The following UHMK1 variants were observed in gnomAD, a reference collection of about 807,000 sequenced individuals.
The protein encoded by UHMK1 is U2AF homology motif kinase 1, also known as serine/threonine-protein kinase Kist.
A neutral mutation model predicts 44.0 loss-of-function variants in UHMK1; 18 were observed. That is an observed-to-expected ratio of 0.41 (90% confidence interval 0.28 to 0.61). The LOEUF (loss-of-function observed/expected upper bound fraction) is 0.61, where lower values mean the gene tolerates loss of function less well. UHMK1 is among the 20% of genes least tolerant of loss of function. The pLI is 0.31. For synonymous variants in UHMK1, 231 were observed against 198.5 expected (o/e 1.16, Z -1.38); for missense variants, 463 against 522.5 (o/e 0.89, Z 1.11).
At chr1:162,509,919 A>G (rs1452419242) in intron 4 of UHMK1, among the ~76,000 whole-genome samples, 1 of 152,200 alleles carries the variant, frequency 6.6e-6, no homozygotes, top group Non-Finnish European at 1.5e-5. Flanking sequence ...TGCTGGGATT[A>G]CAGGCGTGAG....
chr1:162,511,189 C>CTTTTTT (rs142796500), intron 4 of UHMK1, among the ~76,000 whole-genome samples: 174 of 100,952 alleles, frequency 1.7e-3, no homozygotes, highest in Middle Eastern at 5.0e-3. Flanking sequence ...TTTTCTTTTT[C>CTTTTTT]TTTTTTTTTT....
chr1:162,506,573 T>G (rs1030095989), intron 4 of UHMK1, among the ~76,000 whole-genome samples: 1 of 152,228 alleles, frequency 6.6e-6, no homozygotes, highest in South Asian at 2.1e-4. Context: ...TACATTTTTG[T>G]TTCCTTGAGT....
intron 6 of UHMK1, among the ~76,000 whole-genome samples, chr1:162,513,330 C>G (rs1651732539): frequency 6.6e-6 from 1 of 152,148 alleles, no homozygotes; most frequent in South Asian, 2.1e-4. Flanking sequence ...CCAACAACTT[C>G]TATCTCTCTG....
At position 162,527,139 on chromosome 1, in the gene UHMK1, A is replaced by C. The variant is rs1266559970; in HGVS notation, c.*4589A>C. On this transcript the variant is annotated 3_prime_UTR_variant, in exon 8 of 8. Coordinates refer to ENST00000489294, the MANE Select transcript of UHMK1 (RefSeq NM_175866.5). ...AGAACATGGATATTTTAGTTTTTGG[A>C]GTACCCAGAATTGTAAAGATTTTGT... The C allele has an allele frequency of 6.6e-6, 1 of 152,068 alleles. No individual in the cohort carries two copies. Among genetic ancestry groups the C allele is most frequent in the African/African-American group, 2.4e-5 (1 of 41,428 alleles). 9.4% of individuals were successfully genotyped at this position (152,068 alleles called of 1,614,324 possible).
At chr1:162,507,107 G>A (rs1211996199) in intron 4 of UHMK1, among the ~76,000 whole-genome samples, 1 of 150,724 alleles carries the variant, frequency 6.6e-6, no homozygotes, top group African/African-American at 2.4e-5. Flanking sequence ...TATATTCAAT[G>A]TTGCCATTTT....
Position 162,527,899 on chromosome 1 carries a change from T to C in UHMK1, c.*5349T>C, listed in dbSNP as rs1465374157. The C allele has an allele frequency of 1.3e-5, 2 of 151,342 alleles. No individual in the cohort carries two copies. The highest frequency in any genetic ancestry group is 1.5e-5 in the Non-Finnish European group (1 of 67,886). The allele number at this position is 151,342 out of a possible 1,614,324, so 9.4% of individuals were successfully genotyped here. On this transcript the variant is annotated 3_prime_UTR_variant, in exon 8 of 8. Transcript: ENST00000489294. Reference sequence around the variant, plus strand: ...CTTTGTATAATGGAAATAAGTCACATTCTGGGGGAAAAAAACTGGAATTGT... The same window carrying C: ...CTTTGTATAATGGAAATAAGTCACACTCTGGGGGAAAAAAACTGGAATTGT...
At chr1:162,510,864 T>C (rs993206700) in intron 4 of UHMK1, among the ~76,000 whole-genome samples, 1 of 152,056 alleles carries the variant, frequency 6.6e-6, no homozygotes, top group East Asian at 1.9e-4. Flanking sequence ...TTTTAAAAAT[T>C]TTTTTTAAGG....
chr1:162,500,299 G>C, intron 2 of UHMK1, 52 bp downstream of exon 2: 1 of 1,553,096 alleles, frequency 6.4e-7, no homozygotes, highest in Non-Finnish European at 8.7e-7. Flanking sequence ...AGTGGTTGAA[G>C]CCAAATATTT....
rs1346289674 is a variant in UHMK1 at position 162,527,386 on chromosome 1, G to T, written c.*4836G>T. On this transcript the variant is annotated 3_prime_UTR_variant, in exon 8 of 8. Transcript: ENST00000489294. Reference sequence around the variant, plus strand: ...TTTATAGGAGCAGTGGACTGTAAGAGAAATATCTATAAATCAGAGAGTATT... The same window carrying T: ...TTTATAGGAGCAGTGGACTGTAAGATAAATATCTATAAATCAGAGAGTATT... 6.6e-6 allele frequency: 1 copy of T among 152,028 alleles called. No individual in the cohort carries two copies. Among genetic ancestry groups the T allele is most frequent in the East Asian group, 1.9e-4 (1 of 5,204 alleles). The allele number at this position is 152,028 out of a possible 1,614,324, so 9.4% of individuals were successfully genotyped here. A position where few individuals can be genotyped will look rare whatever the true frequency, so the allele number is the denominator to read the frequency against.
In UHMK1 at chr1:162,525,818, C is replaced by G. The variant is rs1359784295; in HGVS notation, c.*3268C>G. ...AACAAAAACCATAAGTATGGTTTTA[C>G]TCGAACTTCTCTTTGTTTTTATTGA... On this transcript the variant is annotated 3_prime_UTR_variant, in exon 8 of 8. Coordinates refer to ENST00000489294, the MANE Select transcript of UHMK1 (RefSeq NM_175866.5). 1 of 152,154 alleles carries G rather than the reference C, an allele frequency of 6.6e-6. No individual in the cohort carries two copies. The highest frequency in any genetic ancestry group is 1.5e-5 in the Non-Finnish European group (1 of 68,024). 9.4% of individuals were successfully genotyped at this position (152,154 alleles called of 1,614,324 possible).
At chr1:162,514,281 C>T (rs1651763895) in intron 6 of UHMK1, among the ~76,000 whole-genome samples, 2 of 148,542 alleles carry the variant, frequency 1.3e-5, no homozygotes, top group Non-Finnish European at 3.0e-5. Context: ...AGAGTGAGAC[C>T]ATCTCTGGAA....
intron 6 of UHMK1, among the ~76,000 whole-genome samples, chr1:162,516,767 C>G (rs1464899745): frequency 1.3e-5 from 2 of 152,168 alleles, no homozygotes; most frequent in African/African-American, 2.4e-5. Context: ...CTTTTACTCT[C>G]TATTATTATT....
chr1:162,526,655 C>T lies in UHMK1; in HGVS notation c.*4105C>T, dbSNP rs1295898602. ...AAAAGTCCAAAATTTTCTGGGTTTA[C>T]CTTTGTTTTATTTTTCATATATATA... On this transcript the variant is annotated 3_prime_UTR_variant, in exon 8 of 8. Transcript: ENST00000489294. 3 of 151,986 alleles carry T rather than the reference C, an allele frequency of 2.0e-5. No individual in the cohort carries two copies. Among genetic ancestry groups the T allele is most frequent in the African/African-American group, 4.8e-5 (2 of 41,406 alleles). 9.4% of individuals were successfully genotyped at this position (151,986 alleles called of 1,614,324 possible). A position where few individuals can be genotyped will look rare whatever the true frequency, so the allele number is the denominator to read the frequency against.
chr1:162,498,147 C>T lies in UHMK1; in HGVS notation c.147C>T (p.Pro49=), dbSNP rs756340895. The part of the protein sequence containing the change: ...RVRCCGNPGS[P]PGALKQFLPP... ...GCTGCTGCGGCAACCCTGGCTCGCC[C>T]CCCGGCGCCCTCAAGCAGTTCTTGC... Residue 49 remains proline, a synonymous_variant, in exon 1 of 8, where the codon CCC becomes CCT. Coordinates refer to ENST00000489294, the MANE Select transcript of UHMK1 (RefSeq NM_175866.5). The T allele has an allele frequency of 2.5e-6, 4 of 1,612,914 alleles. No homozygotes were observed. The South Asian group carries it at 4.4e-5, about 18-fold the overall frequency.
intron 3 of UHMK1, among the ~76,000 whole-genome samples, chr1:162,503,122 C>T (rs760984881): frequency 1.4e-4 from 22 of 152,124 alleles, no homozygotes; most frequent in South Asian, 2.1e-4. Context: ...ATTGAAGACT[C>T]GTTACGGAGA....
In UHMK1 at chr1:162,519,956, T is replaced by G. The variant is rs551894100; in HGVS notation, c.1113+1766T>G. ...CTCTGTTTCCCAGGCTAGAGTGCAG[T>G]GGTGCAGTCTCAGCTCTCTGCAACC... On this transcript the variant is annotated intron_variant, in intron 7 of 7. Transcript: ENST00000489294. Among the ~76,000 whole-genome samples the G allele has an allele frequency of 6.6e-5, 10 of 152,308 alleles. No homozygotes were observed. The East Asian group carries it at 1.5e-3, about 24-fold the overall frequency.
intron 6 of UHMK1, among the ~76,000 whole-genome samples, chr1:162,515,631 CT>C (rs1651807587): frequency 6.6e-6 from 1 of 152,162 alleles, no homozygotes; most frequent in South Asian, 2.1e-4. Context: ...CTCTGAATTT[CT>C]TGGAATCAGT....
At chr1:162,506,042 G>A (rs1321692054) in intron 4 of UHMK1, among the ~76,000 whole-genome samples, 1 of 152,076 alleles carries the variant, frequency 6.6e-6, no homozygotes, top group African/African-American at 2.4e-5. Context: ...ACTTACTTGT[G>A]TGTGTTTTTC....
chr1:162,505,423 T>C (rs992936730), intron 4 of UHMK1, among the ~76,000 whole-genome samples: 30 of 152,158 alleles, frequency 2.0e-4, no homozygotes, highest in Non-Finnish European at 4.0e-4. Context: ...TAAAAAAATA[T>C]ATAGTTATAA....
Sources: gnomAD v4.1 joint callset for allele counts (sites outside exome capture counted in the v4.1 genomes callset) on GRCh38, gnomAD v4.1.1 for gene constraint, MANE v1.5 for transcripts, NCBI Gene and HGNC (gene_info 2026-07-23, HGNC 2026-07-21) for gene names.